The following STAG1 variants were observed in gnomAD, a reference collection of about 807,000 sequenced individuals.
STAG1 encodes the protein STAG1 cohesin complex component.
STAG1 carries 26 observed loss-of-function variants against 170.9 expected under a neutral mutation model. The observed-to-expected ratio is 0.15, with a 90% confidence interval of 0.11 to 0.21. STAG1 has a LOEUF of 0.21. Among genes scored for constraint, STAG1 ranks in the 10% least tolerant of loss-of-function variants. STAG1 has a pLI of 1.00. For missense variants in STAG1, 964 were observed against 1,509.5 expected, an observed-to-expected ratio of 0.64 and a Z score of 5.99; for synonymous variants, 514 against 497.7, an observed-to-expected ratio of 1.03 and a Z score of -0.44.
intron 25 of STAG1, 128 bp downstream of exon 25, chr3:136,366,815 C>A: frequency 1.5e-6 from 1 of 672,782 alleles, no homozygotes; most frequent in Non-Finnish European, 2.3e-6. Context: ...ATAAGAGAAA[C>A]TTTATCATAA....
chr3:136,663,206 G>C (rs1350541452), intron 1 of STAG1, among the ~76,000 whole-genome samples: 1 of 152,254 alleles, frequency 6.6e-6, no homozygotes, highest in Non-Finnish European at 1.5e-5. Flanking sequence ...ATGTATGGAT[G>C]AGTATAGTTA....
chr3:136,678,527 C>CAAA (rs200768204), intron 1 of STAG1, among the ~76,000 whole-genome samples: 1 of 99,110 alleles, frequency 1.0e-5, no homozygotes, highest in Non-Finnish European at 2.1e-5. Flanking sequence ...ACATGAATTG[C>CAAA]AAAAAAAAAA....
chr3:136,495,726 TG>T (rs1461111035), intron 9 of STAG1, among the ~76,000 whole-genome samples: 1 of 151,972 alleles, frequency 6.6e-6, no homozygotes, highest in Non-Finnish European at 1.5e-5. Flanking sequence ...TCCAGCATGT[TG>T]GGAGGCTGAG....
intron 3 of STAG1, among the ~76,000 whole-genome samples, chr3:136,618,143 C>T (rs1345589446): frequency 1.3e-5 from 2 of 152,074 alleles, no homozygotes; most frequent in East Asian, 3.8e-4. Flanking sequence ...TTACCTGCTC[C>T]ACCCTGACTC....
chr3:136,660,238 C>CCAGG (rs1335306058), intron 1 of STAG1, among the ~76,000 whole-genome samples: 1 of 152,040 alleles, frequency 6.6e-6, no homozygotes, highest in Admixed American at 6.6e-5. Flanking sequence ...GTACAGCTAC[C>CCAGG]CAGGGTTTAC....
intron 29 of STAG1, among the ~76,000 whole-genome samples, chr3:136,346,801 T>C (rs1936238897): frequency 6.6e-6 from 1 of 152,254 alleles, no homozygotes; most frequent in Non-Finnish European, 1.5e-5. Flanking sequence ...CTAATAAGAA[T>C]ATTACATTGA....
At chr3:136,467,573 C>G (rs567347468) in intron 12 of STAG1, among the ~76,000 whole-genome samples, 25 of 152,230 alleles carry the variant, frequency 1.6e-4, no homozygotes, top group Admixed American at 4.6e-4. Flanking sequence ...GACTCTGACA[C>G]CCCACTGTCA....
chr3:136,541,578 A>ACACC (rs1935908992), intron 6 of STAG1, among the ~76,000 whole-genome samples: 1 of 150,446 alleles, frequency 6.6e-6, no homozygotes, highest in African/African-American at 2.4e-5. Context: ...ACACACACAC[A>ACACC]CACACACCAG....
intron 1 of STAG1, among the ~76,000 whole-genome samples, chr3:136,664,577 A>T (rs1318058992): frequency 1.3e-5 from 2 of 152,166 alleles, no homozygotes; most frequent in African/African-American, 4.8e-5. Context: ...TTAGATGGTT[A>T]TTCCCTAATC....
At chr3:136,537,908 T>C (rs991493709) in intron 6 of STAG1, among the ~76,000 whole-genome samples, 3 of 152,182 alleles carry the variant, frequency 2.0e-5, no homozygotes, top group African/African-American at 7.2e-5. Flanking sequence ...ATAAGAAATG[T>C]GGTGGCACTG....
At chr3:136,751,993 C>T (rs1003667156) in intron 1 of STAG1, among the ~76,000 whole-genome samples, 1 of 150,802 alleles carries the variant, frequency 6.6e-6, no homozygotes, top group African/African-American at 2.4e-5. Flanking sequence ...CTCGGACGGC[C>T]CACGACCGCC....
intron 32 of STAG1, 32 bp from the exon 33 acceptor site, chr3:136,338,482 TC>T: frequency 1.3e-6 from 2 of 1,501,660 alleles, no homozygotes; most frequent in Non-Finnish European, 1.9e-6. Context: ...TTAATTTTTT[TC>T]TGAGATCATT....
chr3:136,708,592 T>C (rs939273550), intron 1 of STAG1, among the ~76,000 whole-genome samples: 3 of 152,042 alleles, frequency 2.0e-5, no homozygotes, highest in Non-Finnish European at 2.9e-5. Context: ...ATGGTATACT[T>C]CAAAATGGTT....
chr3:136,512,173 T>C (rs1169530337), intron 7 of STAG1, among the ~76,000 whole-genome samples: 4 of 148,000 alleles, frequency 2.7e-5, no homozygotes, highest in Admixed American at 2.0e-4. Flanking sequence ...CCAGGTGTGA[T>C]GGCACATGCC....
chr3:136,486,978 G>C (rs956252147), intron 9 of STAG1, among the ~76,000 whole-genome samples: 70 of 114,826 alleles, frequency 6.1e-4, no homozygotes, highest in African/African-American at 2.2e-3. Flanking sequence ...TGTATGCAAT[G>C]CCGATTTTTT....
chr3:136,680,801 A>G (rs769192881), intron 1 of STAG1, among the ~76,000 whole-genome samples: 2 of 151,100 alleles, frequency 1.3e-5, no homozygotes, highest in Non-Finnish European at 1.5e-5. Context: ...TATATATATT[A>G]CATATACCTA....
chr3:136,461,895 C>A (rs866585380), intron 13 of STAG1, among the ~76,000 whole-genome samples: 1 of 151,966 alleles, frequency 6.6e-6, no homozygotes, highest in Non-Finnish European at 1.5e-5. Flanking sequence ...ATGATCTGAA[C>A]GGACATTTCT....
intron 1 of STAG1, among the ~76,000 whole-genome samples, chr3:136,736,006 C>G (rs955602165): frequency 1.3e-5 from 2 of 152,166 alleles, no homozygotes; most frequent in African/African-American, 2.4e-5. Flanking sequence ...CTCTGTGTGC[C>G]CACAAGTGTT....
chr3:136,545,642 T>G (rs568789491), intron 5 of STAG1, among the ~76,000 whole-genome samples: 1 of 152,256 alleles, frequency 6.6e-6, no homozygotes, highest in African/African-American at 2.4e-5. Flanking sequence ...AAGAGACACT[T>G]TGATACCTTT....
Sources: gnomAD v4.1 joint callset for allele counts (sites outside exome capture counted in the v4.1 genomes callset) on GRCh38, gnomAD v4.1.1 for gene constraint, MANE v1.5 for transcripts, NCBI Gene and HGNC (gene_info 2026-07-23, HGNC 2026-07-21) for gene names.